DOCK3: variants seen among roughly 807,000 people sequenced by gnomAD.
DOCK3 encodes the protein dedicator of cytokinesis protein 3.
A neutral mutation model predicts 265.6 loss-of-function variants in DOCK3; 60 were observed. That is an observed-to-expected ratio of 0.23 (90% CI 0.18 to 0.28). DOCK3 has a LOEUF of 0.28. Among genes scored for constraint, DOCK3 ranks in the 10% least tolerant of loss-of-function variants. The pLI is 1.00. For synonymous variants in DOCK3, 881 were observed against 938.0 expected (o/e 0.94, Z 1.11); for missense variants, 1,981 against 2,594.3 (o/e 0.76, Z 5.14).
At chr3:51,199,059 C>T (rs924807341) in intron 12 of DOCK3, among the ~76,000 whole-genome samples, 16 of 151,996 alleles carry the variant, frequency 1.1e-4, no homozygotes, top group African/African-American at 3.9e-4. Flanking sequence ...GGGGAGGAGC[C>T]GAGATGGCCG....
chr3:50,805,771 G>A (rs552301907), intron 2 of DOCK3, among the ~76,000 whole-genome samples: 11 of 152,330 alleles, frequency 7.2e-5, no homozygotes, highest in Admixed American at 7.2e-4. Flanking sequence ...TGGGTGAGTG[G>A]CTGCTCAGCT....
chr3:50,950,851 C>T (rs1429911269), intron 5 of DOCK3, among the ~76,000 whole-genome samples: 1 of 151,940 alleles, frequency 6.6e-6, no homozygotes, highest in East Asian at 1.9e-4. Context: ...CTACTCAACC[C>T]GATAGTAAGT....
At chr3:51,077,179 T>A (rs1230436738) in intron 7 of DOCK3, among the ~76,000 whole-genome samples, 1 of 152,124 alleles carries the variant, frequency 6.6e-6, no homozygotes, top group Non-Finnish European at 1.5e-5. Flanking sequence ...GAATTAAAAT[T>A]GATAAATTTT....
At chr3:51,035,174 A>G (rs1209719301) in intron 5 of DOCK3, among the ~76,000 whole-genome samples, 1 of 151,974 alleles carries the variant, frequency 6.6e-6, no homozygotes, top group Non-Finnish European at 1.5e-5. Context: ...TTCTACAAAT[A>G]TTTTTCTGCC....
At chr3:50,923,115 A>T (rs1438384776) in intron 4 of DOCK3, among the ~76,000 whole-genome samples, 1 of 152,110 alleles carries the variant, frequency 6.6e-6, no homozygotes, top group Non-Finnish European at 1.5e-5. Context: ...TTTATGTCTG[A>T]GTAGTCTTCC....
chr3:50,891,379 A>C (rs1183052230), intron 4 of DOCK3, among the ~76,000 whole-genome samples: 1 of 152,120 alleles, frequency 6.6e-6, no homozygotes, highest in Admixed American at 6.6e-5. Context: ...ATGAATCCAC[A>C]ACTAGCATAC....
chr3:51,227,385 C>T lies in DOCK3; in HGVS notation c.1480C>T (p.Pro494Ser). ...SPRWGEIIKL[P>S]IPIDRFRGSH... Reference sequence around the variant, plus strand: ...TCGCTGGGGAGAAATTATCAAATTGCCTATCCCCATTGACCGGTTCCGGGG... The same window carrying T: ...TCGCTGGGGAGAAATTATCAAATTGTCTATCCCCATTGACCGGTTCCGGGG... The change falls in exon 16 of 53, where the codon CCT becomes TCT. Residue 494 changes from proline (P) to serine (S), a missense_variant. Pro to Ser is a moderately conservative substitution (Grantham distance 74). Coordinates refer to ENST00000266037, the MANE Select transcript of DOCK3 (RefSeq NM_004947.5). 1 of 1,613,944 alleles carries T rather than the reference C, an allele frequency of 6.2e-7. No individual in the cohort carries two copies. The highest frequency in any genetic ancestry group is 8.5e-7 in the Non-Finnish European group (1 of 1,179,856).
At chr3:51,310,782 A>G (rs2083026513) in intron 28 of DOCK3, among the ~76,000 whole-genome samples, 1 of 152,226 alleles carries the variant, frequency 6.6e-6, no homozygotes, top group Non-Finnish European at 1.5e-5. Context: ...TGACTGCCTC[A>G]TTTATATTTC....
chr3:51,250,253 A>G (rs1576540056), intron 22 of DOCK3, among the ~76,000 whole-genome samples: 1 of 146,840 alleles, frequency 6.8e-6, no homozygotes, highest in African/African-American at 2.6e-5. Context: ...TGTGAGAAAC[A>G]CCCAAGAATG....
At chr3:51,256,033 A>G (rs938149702) in intron 22 of DOCK3, among the ~76,000 whole-genome samples, 24 of 152,008 alleles carry the variant, frequency 1.6e-4, no homozygotes, top group African/African-American at 5.1e-4. Flanking sequence ...TGATGGTGAC[A>G]TACAGATGGG....
At chr3:50,930,107 C>G (rs961675499) in intron 4 of DOCK3, among the ~76,000 whole-genome samples, 2 of 152,128 alleles carry the variant, frequency 1.3e-5, no homozygotes, top group African/African-American at 4.8e-5. Flanking sequence ...ATAAGTCCTA[C>G]GTCTTAGAAC....
chr3:50,874,403 GGCTGAA>G (rs2047596119), intron 3 of DOCK3, among the ~76,000 whole-genome samples: 2 of 152,020 alleles, frequency 1.3e-5, no homozygotes, highest in East Asian at 3.9e-4. Context: ...CTACCTGGGA[GGCTGAA>G]GCAGGAGGAT....
intron 5 of DOCK3, among the ~76,000 whole-genome samples, chr3:50,958,532 A>G (rs1016466342): frequency 2.6e-5 from 4 of 152,216 alleles, no homozygotes; most frequent in African/African-American, 9.6e-5. Flanking sequence ...TGTAAGCCCT[A>G]GATAATCATT....
At chr3:50,914,944 G>C (rs1449825636) in intron 4 of DOCK3, among the ~76,000 whole-genome samples, 1 of 152,024 alleles carries the variant, frequency 6.6e-6, no homozygotes, top group East Asian at 1.9e-4. Context: ...AGTGGCTGTG[G>C]GACTAGTGTT....
chr3:51,341,173 C>G (rs779692028), intron 37 of DOCK3, 64 bp from the exon 38 acceptor site: 23 of 1,502,096 alleles, frequency 1.5e-5, no homozygotes, highest in Admixed American at 2.3e-5. Context: ...CCTCTGACAC[C>G]AGGCTGCTCC....
chr3:51,088,735 A>T (rs1426540380), intron 7 of DOCK3, among the ~76,000 whole-genome samples: 1 of 152,182 alleles, frequency 6.6e-6, no homozygotes, highest in Admixed American at 6.5e-5. Flanking sequence ...AGATTAAGTG[A>T]TTTGTCTGAA....
chr3:50,841,195 A>G (rs900902314), intron 2 of DOCK3, among the ~76,000 whole-genome samples: 3 of 152,224 alleles, frequency 2.0e-5, no homozygotes, highest in African/African-American at 4.8e-5. Context: ...GCTGAAAGGA[A>G]ATAAATCAAG....
intron 27 of DOCK3, among the ~76,000 whole-genome samples, chr3:51,288,897 T>TGTGG (rs2081569251): frequency 6.8e-6 from 1 of 147,890 alleles, no homozygotes; most frequent in Non-Finnish European, 1.5e-5. Context: ...TGTGTGTGTG[T>TGTGG]GTGTGGGTGT....
chr3:50,716,821 C>A (rs141270380), intron 1 of DOCK3, among the ~76,000 whole-genome samples: 1 of 151,970 alleles, frequency 6.6e-6, no homozygotes, highest in Non-Finnish European at 1.5e-5. Context: ...CTAATAGAGG[C>A]TTAAAAATCC....
Sources: allele counts gnomAD v4.1 joint callset (sites outside exome capture counted in the v4.1 genomes callset), GRCh38; gene constraint gnomAD v4.1.1; transcripts MANE v1.5; gene names NCBI Gene and HGNC (gene_info 2026-07-23, HGNC 2026-07-21).